RGS6: variants seen among roughly 807,000 people sequenced by gnomAD.
RGS6 encodes regulator of G-protein signaling 6.
A neutral mutation model predicts 78.5 loss-of-function variants in RGS6; 30 were observed. The ratio of observed to expected loss-of-function variants is 0.38; its 90% CI spans 0.29 to 0.52. The LOEUF (loss-of-function observed/expected upper bound fraction) is 0.52, where lower values mean the gene tolerates loss of function less well. Among genes scored for constraint, RGS6 ranks in the 20% least tolerant of loss-of-function variants. RGS6 has a pLI of 0.85. For synonymous variants in RGS6, 206 were observed against 206.0 expected, an observed-to-expected ratio of 1.00 and a Z score of 0.00; for missense variants, 495 against 609.7, an observed-to-expected ratio of 0.81 and a Z score of 1.98.
At chr14:72,042,952 A>G (rs1354388534) in intron 2 of RGS6, among the ~76,000 whole-genome samples, 8 of 152,180 alleles carry the variant, frequency 5.3e-5, no homozygotes, top group Non-Finnish European at 8.8e-5. Context: ...TGAGAGTGTT[A>G]CATTGCTTTT....
chr14:72,085,723 G>A (rs534105221), intron 2 of RGS6, among the ~76,000 whole-genome samples: 2 of 152,076 alleles, frequency 1.3e-5, no homozygotes, highest in South Asian at 4.2e-4. Context: ...GTGTGGTGGT[G>A]CACACTTGTA....
At chr14:72,061,902 G>T (rs2093915085) in intron 2 of RGS6, among the ~76,000 whole-genome samples, 1 of 152,090 alleles carries the variant, frequency 6.6e-6, no homozygotes. Flanking sequence ...ACATTTATTG[G>T]GCATTTGGTA....
At chr14:72,266,486 A>G (rs561083120) in intron 2 of RGS6, among the ~76,000 whole-genome samples, 40 of 152,172 alleles carry the variant, frequency 2.6e-4, no homozygotes, top group Admixed American at 1.8e-3. Context: ...CACCACTATT[A>G]ATCTTCCACA....
chr14:72,550,482 G>A (rs571219535), intron 17 of RGS6: 64 of 1,535,686 alleles, frequency 4.2e-5, no homozygotes, highest in Admixed American at 2.7e-4. Context: ...AGCAAGGACC[G>A]AAAGCCTGGC....
At chr14:72,114,374 G>C (rs575233801) in intron 2 of RGS6, among the ~76,000 whole-genome samples, 1 of 152,288 alleles carries the variant, frequency 6.6e-6, no homozygotes, top group Admixed American at 6.5e-5. Context: ...TGAGCTCTAA[G>C]TCTTTACCTT....
chr14:72,085,994 C>T (rs2095024509), intron 2 of RGS6, among the ~76,000 whole-genome samples: 1 of 151,702 alleles, frequency 6.6e-6, no homozygotes, highest in African/African-American at 2.4e-5. Flanking sequence ...TCCTCCTATT[C>T]ATCTTTTTTT....
the RGS6 span, among the ~76,000 whole-genome samples, chr14:71,910,239 A>G: frequency 6.6e-6 from 1 of 152,122 alleles, no homozygotes; most frequent in Admixed American, 6.5e-5. Context: ...AAAAACAGCA[A>G]GCAGAGAAGA....
chr14:72,371,100 A>G (rs1036493328), intron 3 of RGS6, among the ~76,000 whole-genome samples: 4 of 152,348 alleles, frequency 2.6e-5, no homozygotes, highest in East Asian at 3.9e-4. Flanking sequence ...ACAGTGCTTA[A>G]TTAAATATTG....
chr14:72,124,128 G>T (rs2096127115), intron 2 of RGS6, among the ~76,000 whole-genome samples: 1 of 152,176 alleles, frequency 6.6e-6, no homozygotes, highest in African/African-American at 2.4e-5. Context: ...ACAGAATGCT[G>T]TTCTTTCACT....
intron 6 of RGS6, among the ~76,000 whole-genome samples, 152 bp from the exon 7 acceptor site, chr14:72,465,599 TGGTTGGG>T (rs1566914088): frequency 3.0e-4 from 43 of 144,360 alleles, no homozygotes; most frequent in African/African-American, 1.1e-3. Context: ...GATGGATGGA[TGGTTGGG>T]TGGATGGGTG....
In RGS6 at chr14:72,357,739, G is replaced by A. The variant is rs187079932; in HGVS notation, c.184+5545G>A. Among the ~76,000 whole-genome samples the A allele has an allele frequency of 2.7e-4, 41 of 152,282 alleles. 1 individual carries two copies. The East Asian group carries it at 6.2e-3, about 23-fold the overall frequency. ...AGCATAAAAGTTTGGAAAATTTGCA[G>A]CCTGACGAACCAGTAGAAAAGAAAA... On this transcript the variant is annotated intron_variant, in intron 3 of 17. Coordinates refer to ENST00000553525, the MANE Select transcript of RGS6 (RefSeq NM_001204424.2).
At chr14:72,283,543 C>T (rs942677585) in intron 2 of RGS6, among the ~76,000 whole-genome samples, 7 of 152,306 alleles carry the variant, frequency 4.6e-5, no homozygotes, top group African/African-American at 1.7e-4. Context: ...CCTTGGCTCT[C>T]ACTCTCTCTT....
chr14:71,967,367 A>G (rs1331517632), intron 2 of RGS6, among the ~76,000 whole-genome samples: 1 of 152,084 alleles, frequency 6.6e-6, no homozygotes, highest in Admixed American at 6.6e-5. Flanking sequence ...GTTGTACTTG[A>G]ACTATGGGAT....
At chr14:72,154,931 A>G (rs1317656690) in intron 2 of RGS6, among the ~76,000 whole-genome samples, 1 of 152,212 alleles carries the variant, frequency 6.6e-6, no homozygotes, top group African/African-American at 2.4e-5. Flanking sequence ...AACCCCAGTG[A>G]TGCCCTGCAG....
At chr14:72,515,165 G>A (rs2096925256) in intron 14 of RGS6, among the ~76,000 whole-genome samples, 2 of 152,112 alleles carry the variant, frequency 1.3e-5, no homozygotes, top group East Asian at 1.9e-4. Flanking sequence ...TCCCCAGTGT[G>A]TGCAGGGAGA....
intron 2 of RGS6, among the ~76,000 whole-genome samples, chr14:72,342,240 G>A (rs1202943271): frequency 6.6e-6 from 1 of 152,098 alleles, no homozygotes; most frequent in African/African-American, 2.4e-5. Flanking sequence ...TCATGCTTGT[G>A]ATACTTAAAT....
chr14:72,464,701 A>G (rs1157335420), intron 6 of RGS6: 4 of 152,194 alleles, frequency 2.6e-5, no homozygotes, highest in Non-Finnish European at 5.9e-5. Context: ...AAGGAGGAAG[A>G]CATTGAAGAA....
At chr14:71,872,189 C>T in the RGS6 span, among the ~76,000 whole-genome samples, 1 of 152,174 alleles carries the variant, frequency 6.6e-6, no homozygotes, top group Non-Finnish European at 1.5e-5. Flanking sequence ...GTTCGTCTCA[C>T]TAAGAGAAGC....
chr14:72,451,908 C>T (rs1180006242), intron 3 of RGS6, among the ~76,000 whole-genome samples: 2 of 152,076 alleles, frequency 1.3e-5, no homozygotes, highest in South Asian at 2.1e-4. Context: ...TGTGGCACCA[C>T]GCCTGGCTAA....
Sources: gnomAD v4.1 joint callset for allele counts (sites outside exome capture counted in the v4.1 genomes callset) on GRCh38, gnomAD v4.1.1 for gene constraint, MANE v1.5 for transcripts, NCBI Gene and HGNC (gene_info 2026-07-23, HGNC 2026-07-21) for gene names.